Variants in NLGN1 observed in about 807,000 individuals in gnomAD.
NLGN1 encodes neuroligin-1.
A neutral mutation model predicts 65.5 loss-of-function variants in NLGN1; 12 were observed. The observed-to-expected ratio is 0.18, with a 90% CI of 0.12 to 0.30. The LOEUF (loss-of-function observed/expected upper bound fraction) is 0.30, where lower values mean the gene tolerates loss of function less well. Ranked by LOEUF, NLGN1 falls within the 10% of genes least tolerant of loss-of-function variation. The probability of loss-of-function intolerance (pLI) is 1.00; values close to 1 mark genes in which losing one functional copy is unlikely to be tolerated. For synonymous variants in NLGN1, 350 were observed against 359.5 expected (o/e 0.97, Z 0.30); for missense variants, 750 against 1,007.1 (o/e 0.74, Z 3.46).
intron 2 of NLGN1, among the ~76,000 whole-genome samples, chr3:173,558,375 C>T (rs771512688): frequency 1.3e-5 from 2 of 152,020 alleles, no homozygotes; most frequent in East Asian, 3.9e-4. Flanking sequence ...GATTGGAAAA[C>T]ATCTGGTCAC....
chr3:173,592,430 A>C (rs1748681922), intron 2 of NLGN1, among the ~76,000 whole-genome samples: 1 of 152,140 alleles, frequency 6.6e-6, no homozygotes, highest in South Asian at 2.1e-4. Flanking sequence ...GGCATCTTAG[A>C]ATCTTATTGT....
At chr3:173,696,060 C>T (rs924055162) in intron 3 of NLGN1, among the ~76,000 whole-genome samples, 1 of 152,178 alleles carries the variant, frequency 6.6e-6, no homozygotes, top group Non-Finnish European at 1.5e-5. Flanking sequence ...AACTCTCCCA[C>T]CTTTGCCTCT....
At chr3:173,529,274 G>A (rs544680171) in intron 2 of NLGN1, among the ~76,000 whole-genome samples, 7 of 152,244 alleles carry the variant, frequency 4.6e-5, no homozygotes, top group African/African-American at 1.4e-4. Context: ...TGGCACTTCC[G>A]GGTAAGAGCC....
intron 3 of NLGN1, among the ~76,000 whole-genome samples, chr3:173,702,823 A>G (rs1767447968): frequency 6.6e-6 from 1 of 152,116 alleles, no homozygotes; most frequent in Non-Finnish European, 1.5e-5. Context: ...CTGTAGCTTT[A>G]AACTGTTTTT....
chr3:174,119,322 T>A (rs2152640509), intron 4 of NLGN1, among the ~76,000 whole-genome samples: 1 of 152,300 alleles, frequency 6.6e-6, no homozygotes, highest in Admixed American at 6.5e-5. Flanking sequence ...TTTCTACAAT[T>A]TGTTTCTCTT....
At chr3:173,935,213 C>T (rs1379754538) in intron 4 of NLGN1, among the ~76,000 whole-genome samples, 1 of 151,882 alleles carries the variant, frequency 6.6e-6, no homozygotes, top group Non-Finnish European at 1.5e-5. Flanking sequence ...CAAGCAAAGC[C>T]TATCACAATT....
chr3:173,442,657 T>G (rs1375467971), intron 2 of NLGN1, among the ~76,000 whole-genome samples: 1 of 152,182 alleles, frequency 6.6e-6, no homozygotes, highest in African/African-American at 2.4e-5. Context: ...AAAATTATTT[T>G]CAAGATTATA....
chr3:174,131,229 A>G (rs1279895098), intron 4 of NLGN1, among the ~76,000 whole-genome samples: 1 of 152,220 alleles, frequency 6.6e-6, no homozygotes, highest in African/African-American at 2.4e-5. Context: ...AATAGCAATA[A>G]TAAGTAACAT....
At chr3:174,058,154 T>C (rs549900367) in intron 4 of NLGN1, among the ~76,000 whole-genome samples, 1 of 152,238 alleles carries the variant, frequency 6.6e-6, no homozygotes, top group South Asian at 2.1e-4. Flanking sequence ...GTGAGTGATT[T>C]CAAAGCCTTT....
chr3:174,062,650 T>C (rs1737668113), intron 4 of NLGN1, among the ~76,000 whole-genome samples: 1 of 152,084 alleles, frequency 6.6e-6, no homozygotes, highest in Non-Finnish European at 1.5e-5. Flanking sequence ...TTCACTCATA[T>C]AGCCTTGTTA....
rs551277163 is a variant in NLGN1 at position 173,611,096 on chromosome 3, G to A, written c.493+6005G>A. Among the ~76,000 whole-genome samples the A allele has an allele frequency of 5.3e-5, 8 of 152,124 alleles. No individual in the cohort carries two copies. In the East Asian group the frequency reaches 5.8e-4, roughly 11 times the overall value. On this transcript the variant is annotated intron_variant, in intron 3 of 6. Coordinates refer to ENST00000457714, the Ensembl canonical transcript of NLGN1. ...GTATGTTGCTATGCACAGTACATGA[G>A]TGTGAGTGCATGGGCAGAAGTATAG...
At chr3:173,408,438 T>C (rs1189115818) in intron 1 of NLGN1, among the ~76,000 whole-genome samples, 1 of 152,196 alleles carries the variant, frequency 6.6e-6, no homozygotes, top group Non-Finnish European at 1.5e-5. Flanking sequence ...CTAAATTCTA[T>C]GTAAAATCAA....
intron 3 of NLGN1, among the ~76,000 whole-genome samples, chr3:173,717,438 T>A (rs12488449): frequency 0.19 from 29,348 of 151,912 alleles, 3,055 homozygotes; most frequent in Admixed American, 0.24. Flanking sequence ...CTAAAGGTGT[T>A]GATCCAGCTT....
intron 2 of NLGN1, among the ~76,000 whole-genome samples, chr3:173,529,603 A>C (rs1192149151): frequency 6.6e-6 from 1 of 151,824 alleles, no homozygotes; most frequent in Non-Finnish European, 1.5e-5. Context: ...TGTGACTCTT[A>C]GTTCAGATCC....
At chr3:173,732,598 A>G (rs1484473519) in intron 3 of NLGN1, among the ~76,000 whole-genome samples, 3 of 152,096 alleles carry the variant, frequency 2.0e-5, no homozygotes, top group Non-Finnish European at 4.4e-5. Flanking sequence ...GAAAATAGTT[A>G]TTTTTATTTT....
chr3:174,081,090 T>C (rs1742091856), intron 4 of NLGN1, among the ~76,000 whole-genome samples: 1 of 152,072 alleles, frequency 6.6e-6, no homozygotes, highest in South Asian at 2.1e-4. Flanking sequence ...ATCATGTTCA[T>C]CAGTGGATAA....
chr3:174,186,337 TTTTC>T (rs2152753513), intron 4 of NLGN1, among the ~76,000 whole-genome samples: 1 of 152,216 alleles, frequency 6.6e-6, no homozygotes, highest in South Asian at 2.1e-4. Context: ...TCTTTTACTA[TTTTC>T]TTTTAGTATT....
rs113707391 is a variant in NLGN1 at position 173,468,393 on chromosome 3, G to C, written c.-321+33315G>C. 5.0e-3 allele frequency among the ~76,000 whole-genome samples: 754 copies of C among 152,092 alleles called. 4 individuals are homozygous for C. Among genetic ancestry groups the C allele is most frequent in the Middle Eastern group, 0.024 (7 of 294 alleles). On this transcript the variant is annotated intron_variant, in intron 2 of 6. Coordinates refer to ENST00000457714, the Ensembl canonical transcript of NLGN1. ...AAAATAGAATATTAACTGTCTGTGG[G>C]CCTAAAATAACTCTTGAAGTAGTTA...
At chr3:174,251,203 A>G (rs1744712497) in intron 4 of NLGN1, among the ~76,000 whole-genome samples, 1 of 152,218 alleles carries the variant, frequency 6.6e-6, no homozygotes, top group African/African-American at 2.4e-5. Context: ...AATAATGTTT[A>G]TTTATTATTG....
Sources: allele counts gnomAD v4.1 joint callset (sites outside exome capture counted in the v4.1 genomes callset), GRCh38; gene constraint gnomAD v4.1.1; transcripts MANE v1.5; gene names NCBI Gene and HGNC (gene_info 2026-07-23, HGNC 2026-07-21).